TNFRSF10D: variants seen among roughly 807,000 people sequenced by gnomAD.
TNFRSF10D encodes the protein TNF receptor superfamily member 10d.
Under a neutral mutation model 42.1 loss-of-function variants are expected in TNFRSF10D, and 28 were observed. The ratio of observed to expected loss-of-function variants is 0.66; its 90% CI spans 0.49 to 0.91. The LOEUF (loss-of-function observed/expected upper bound fraction) is 0.91. Among genes scored for constraint, TNFRSF10D ranks in the 40% least tolerant of loss-of-function variants. The pLI is 0.00. For missense variants in TNFRSF10D, 503 were observed against 486.1 expected, an observed-to-expected ratio of 1.03 and a Z score of -0.33; for synonymous variants, 186 against 189.4, an observed-to-expected ratio of 0.98 and a Z score of 0.15.
In TNFRSF10D at chr8:23,145,699, T is replaced by C; in HGVS notation, c.705A>G (p.Lys235=). The C allele has an allele frequency of 6.2e-7, 1 of 1,614,086 alleles. No homozygotes were observed. The highest frequency in any genetic ancestry group is 8.5e-7 in the Non-Finnish European group (1 of 1,180,018). The part of the protein sequence containing the change: ...VVVVGFSCRK[K]FISYLKGICS... ...AGATGCCTTTGAGGTAAGAAATGAA[T>C]TTCTTCCGACATGAAAAGCCAACCA... Residue 235 remains lysine, a synonymous_variant, in exon 5 of 9, where the codon AAA becomes AAG. Coordinates refer to ENST00000312584, the MANE Select transcript of TNFRSF10D (RefSeq NM_003840.5).
intron 7 of TNFRSF10D, 117 bp downstream of exon 7, chr8:23,144,333 T>C: frequency 8.2e-7 from 1 of 1,224,968 alleles, no homozygotes; most frequent in Non-Finnish European, 1.1e-6. Flanking sequence ...GTCCCCTGTC[T>C]CCCAAAGGCT....
intron 7 of TNFRSF10D, among the ~76,000 whole-genome samples, chr8:23,141,838 A>C (rs1239549351): frequency 6.6e-6 from 1 of 152,252 alleles, no homozygotes; most frequent in African/African-American, 2.4e-5. Flanking sequence ...GAGACTATGA[A>C]GAAAAAGGAT....
At chr8:23,155,681 A>G (rs1800267671) in intron 1 of TNFRSF10D, among the ~76,000 whole-genome samples, 1 of 151,676 alleles carries the variant, frequency 6.6e-6, no homozygotes, top group Admixed American at 6.6e-5. Context: ...GCCTGGGCGA[A>G]AGAGCGAGAC....
rs1235334602 is a variant in TNFRSF10D, at chr8:23,136,764, C to T, written c.*1106G>A. On this transcript the variant is annotated 3_prime_UTR_variant, in exon 9 of 9. Transcript: ENST00000312584. ...ATACCAGGCTCTTCAAAATCCTGGG[C>T]ATATGTAAACATCTACTTATAAATA... 1.3e-5 allele frequency: 2 copies of T among 151,986 alleles called. No individual in the cohort carries two copies. The highest frequency in any genetic ancestry group is 3.9e-4 in the East Asian group (2 of 5,192). 9.4% of individuals were successfully genotyped at this position (151,986 alleles called of 1,614,324 possible).
At chr8:23,147,680 A>G (rs1800143221) in intron 3 of TNFRSF10D, among the ~76,000 whole-genome samples, 1 of 152,044 alleles carries the variant, frequency 6.6e-6, no homozygotes, top group Non-Finnish European at 1.5e-5. Context: ...TAATCACAGC[A>G]CTCTGGGAGG....
At chr8:23,150,256 C>G (rs751571755) in intron 2 of TNFRSF10D, among the ~76,000 whole-genome samples, 10 of 152,202 alleles carry the variant, frequency 6.6e-5, no homozygotes, top group Non-Finnish European at 1.5e-4. Context: ...TGGCTGACAT[C>G]TGCAGACCCA....
rs773547603 is a variant in TNFRSF10D, at chr8:23,137,545, T to C, written c.*325A>G. On this transcript the variant is annotated 3_prime_UTR_variant, in exon 9 of 9. Coordinates refer to ENST00000312584, the MANE Select transcript of TNFRSF10D (RefSeq NM_003840.5). The stretch of plus-strand genomic sequence containing the variant: ...GTCTCAAACTCCCGAGCTCAAGCAA[T>C]CCACCTGCCTCAGCCTATCAAAGTG... 212 of 187,350 alleles carry C rather than the reference T, an allele frequency of 1.1e-3. 1 individual carries two copies. The highest frequency in any genetic ancestry group is 2.1e-3 in the Non-Finnish European group (191 of 90,174). 11.6% of individuals were successfully genotyped at this position (187,350 alleles called of 1,614,324 possible).
intron 6 of TNFRSF10D, among the ~76,000 whole-genome samples, chr8:23,144,855 G>C (rs569141213): frequency 6.6e-6 from 1 of 152,248 alleles, no homozygotes; most frequent in East Asian, 1.9e-4. Context: ...CTGCAGGAAG[G>C]ACAGGGCTGC....
chr8:23,145,956 G>A, intron 4 of TNFRSF10D, 35 bp from the exon 5 acceptor site: 1 of 1,613,372 alleles, frequency 6.2e-7, no homozygotes. Context: ...AGGGACTCTT[G>A]ATGGAAAGCT....
In TNFRSF10D at chr8:23,137,955, T is replaced by G; in HGVS notation, c.1076A>C (p.Lys359Thr). Residue 359 changes from lysine to threonine, a missense_variant, in exon 9 of 9, where the codon AAG becomes ACG. Transcript: ENST00000312584. Reference protein sequence around the residue: ...ASATLEEGHAKETIQDQLVGS... With the variant: ...ASATLEEGHATETIQDQLVGS... Reference sequence around the variant, plus strand: ...CACCAGTTGGTCCTGAATTGTTTCCTTTGCATGTCCTTCTTCCAGTGTTGC... The same window carrying G: ...CACCAGTTGGTCCTGAATTGTTTCCGTTGCATGTCCTTCTTCCAGTGTTGC... The G allele has an allele frequency of 6.2e-7, 1 of 1,614,244 alleles. No individual in the cohort carries two copies. The highest frequency in any genetic ancestry group is 8.5e-7 in the Non-Finnish European group (1 of 1,180,046).
At chr8:23,148,148 A>G (rs13439160) in intron 3 of TNFRSF10D, among the ~76,000 whole-genome samples, 9,549 of 151,304 alleles carry the variant, frequency 0.063, 1,002 homozygotes, top group African/African-American at 0.22. Flanking sequence ...GCTGAGGTAG[A>G]AGAATCACTA....
intron 1 of TNFRSF10D, among the ~76,000 whole-genome samples, chr8:23,157,905 AAAGT>A (rs1800303427): frequency 6.6e-6 from 1 of 152,192 alleles, no homozygotes; most frequent in African/African-American, 2.4e-5. Context: ...CCGTGTCTCT[AAAGT>A]AAGAACTGGT....
Position 23,148,421 on chromosome 8 carries a change from G to A in TNFRSF10D, c.370+17C>T. ...TATGCACTCCACCTCTGGGCAAGGG[G>A]TCCACACATTCTGTACCTGATTTAC... On this transcript the variant is annotated intron_variant, in intron 3 of 8. Transcript: ENST00000312584. 4 of 1,592,298 alleles carry A rather than the reference G, an allele frequency of 2.5e-6. No individual in the cohort carries two copies. The highest frequency in any genetic ancestry group is 3.4e-6 in the Non-Finnish European group (4 of 1,162,418).
rs1359816984 is a variant in TNFRSF10D at position 23,136,317 on chromosome 8, G to A, written c.*1553C>T. The stretch of plus-strand genomic sequence containing the variant: ...ACAGTGTTTAAGAATTGATATCTCT[G>A]AGATGAGTCAGATGCTTACAGAGGG... On this transcript the variant is annotated 3_prime_UTR_variant, in exon 9 of 9. Coordinates refer to ENST00000312584, the MANE Select transcript of TNFRSF10D (RefSeq NM_003840.5). 9.0e-6 allele frequency: 2 copies of A among 222,692 alleles called. No homozygotes were observed. The highest frequency in any genetic ancestry group is 1.8e-5 in the Non-Finnish European group (2 of 110,994). 13.8% of individuals were successfully genotyped at this position (222,692 alleles called of 1,614,324 possible).
intron 1 of TNFRSF10D, among the ~76,000 whole-genome samples, chr8:23,156,650 T>C (rs1800284953): frequency 6.6e-6 from 1 of 151,994 alleles, no homozygotes; most frequent in East Asian, 1.9e-4. Flanking sequence ...CTACAATCTC[T>C]GCCTCCCGGG....
Position 23,137,188 on chromosome 8 carries a change from T to C in TNFRSF10D, c.*682A>G, listed in dbSNP as rs1464955895. On this transcript the variant is annotated 3_prime_UTR_variant, in exon 9 of 9. Coordinates refer to ENST00000312584, the MANE Select transcript of TNFRSF10D (RefSeq NM_003840.5). ...CTATCTTAAAGCTCAAAACTCTAAG[T>C]CGAACCCTCGTAAGTCCATATGCTC... The C allele has an allele frequency of 1.3e-5, 2 of 152,212 alleles. No homozygotes were observed. The highest frequency in any genetic ancestry group is 2.9e-5 in the Non-Finnish European group (2 of 68,050). The allele number at this position is 152,212 out of a possible 1,614,324, so 9.4% of individuals were successfully genotyped here. A position where few individuals can be genotyped will look rare whatever the true frequency, so the allele number is the denominator to read the frequency against.
Position 23,136,009 on chromosome 8 carries a change from C to T in TNFRSF10D, c.*1861G>A. Reference sequence around the variant, plus strand: ...GAAGTGCGAAGACCGGAAAGGCCATCCCCTCCTAAAACTCCATGGACACAA... The same window carrying T: ...GAAGTGCGAAGACCGGAAAGGCCATTCCCTCCTAAAACTCCATGGACACAA... On this transcript the variant is annotated 3_prime_UTR_variant, in exon 9 of 9. Coordinates refer to ENST00000312584, the MANE Select transcript of TNFRSF10D (RefSeq NM_003840.5). 1 of 432,120 alleles carries T rather than the reference C, an allele frequency of 2.3e-6. No homozygotes were observed. The highest frequency in any genetic ancestry group is 4.6e-6 in the Non-Finnish European group (1 of 216,054). 26.8% of individuals were successfully genotyped at this position (432,120 alleles called of 1,614,324 possible). A position where few individuals can be genotyped will look rare whatever the true frequency, so the allele number is the denominator to read the frequency against.
chr8:23,148,457 T>C lies in TNFRSF10D; in HGVS notation c.351A>G (p.Leu117=). Residue 117 remains leucine (L), a synonymous_variant, in exon 3 of 9, where the codon CTA becomes CTG. Coordinates refer to ENST00000312584, the MANE Select transcript of TNFRSF10D (RefSeq NM_003840.5). ...CTGTACCTGATTTACAAACTGTACA[T>C]AGCAGGCAAGAAGGCAAATTGTTGG... ...IASNNLPSCL[L]CTVCKSGQTN... 6.2e-7 allele frequency: 1 copy of C among 1,609,342 alleles called. No individual in the cohort carries two copies. The highest frequency in any genetic ancestry group is 8.5e-7 in the Non-Finnish European group (1 of 1,176,890).
At chr8:23,147,202 C>T (rs1022375852) in intron 3 of TNFRSF10D, 130 bp from the exon 4 acceptor site, 2 of 709,970 alleles carry the variant, frequency 2.8e-6, no homozygotes, top group African/African-American at 3.5e-5. Context: ...GGTTTCTGCA[C>T]CAGCACACTC....
Sources: gnomAD v4.1 joint callset for allele counts (sites outside exome capture counted in the v4.1 genomes callset) on GRCh38, gnomAD v4.1.1 for gene constraint, MANE v1.5 for transcripts, NCBI Gene and HGNC (gene_info 2026-07-23, HGNC 2026-07-21) for gene names.